The following THADA variants were observed in gnomAD, a reference collection of about 807,000 sequenced individuals.
The protein encoded by THADA is THADA armadillo repeat containing.
A neutral mutation model predicts 219.8 loss-of-function variants in THADA; 213 were observed. The ratio of observed to expected loss-of-function variants is 0.97; its 90% CI spans 0.87 to 1.09. The LOEUF (loss-of-function observed/expected upper bound fraction) is 1.09. Among genes scored for constraint, THADA ranks in the 50% least tolerant of loss-of-function variants. The probability of loss-of-function intolerance (pLI) is 0.00; values close to 1 mark genes in which losing one functional copy is unlikely to be tolerated. For missense variants in THADA, 2,956 were observed against 2,311.3 expected, an observed-to-expected ratio of 1.28 and a Z score of -5.72; for synonymous variants, 1,018 against 828.9, an observed-to-expected ratio of 1.23 and a Z score of -3.92.
intron 26 of THADA, among the ~76,000 whole-genome samples, chr2:43,466,621 A>G (rs1684269381): frequency 6.6e-6 from 1 of 152,150 alleles, no homozygotes; most frequent in Non-Finnish European, 1.5e-5. Flanking sequence ...AGGTCAATAT[A>G]CCCTACTGAG....
intron 36 of THADA, among the ~76,000 whole-genome samples, chr2:43,271,758 G>A (rs1370000968): frequency 2.0e-5 from 3 of 151,980 alleles, no homozygotes; most frequent in Non-Finnish European, 2.9e-5. Context: ...GGGATTACAG[G>A]CATGCACCAC....
Position 43,292,944 on chromosome 2 carries a change from C to A in THADA, c.4708G>T (p.Ala1570Ser), listed in dbSNP as rs770277814. 28 of 1,613,924 alleles carry A rather than the reference C, an allele frequency of 1.7e-5. No individual in the cohort carries two copies. The highest frequency in any genetic ancestry group is 2.4e-5 in the Non-Finnish European group (28 of 1,179,896). ...TTCTCTCCAAGTCCAGAGGCTGCTG[C>A]TAAGAACTTTTCCAAGAGGGCTTCC... Reference protein sequence around the residue: ...TLEALLEKFLAAASGLGEKGV... With the variant: ...TLEALLEKFLSAASGLGEKGV... The change falls in exon 32 of 38, where the codon GCA becomes TCA. Residue 1570 changes from alanine to serine, a missense_variant. Physicochemically the swap from Ala to Ser is moderately conservative, Grantham distance 99. Coordinates refer to ENST00000405975, the MANE Select transcript of THADA (RefSeq NM_022065.5).
chr2:43,323,649 T>C (rs1024460728), intron 30 of THADA, among the ~76,000 whole-genome samples: 6 of 152,208 alleles, frequency 3.9e-5, no homozygotes, highest in Non-Finnish European at 8.8e-5. Flanking sequence ...AGACGGCTAC[T>C]GACCTGAGAA....
chr2:43,430,585 G>A, intron 26 of THADA: 4 of 481,388 alleles, frequency 8.3e-6, no homozygotes, highest in Non-Finnish European at 1.6e-5. Flanking sequence ...TATGTAATCT[G>A]TGCCAATGCC....
intron 36 of THADA, among the ~76,000 whole-genome samples, chr2:43,240,059 A>G (rs932397175): frequency 9.8e-5 from 15 of 152,330 alleles, no homozygotes; most frequent in Middle Eastern, 6.8e-3. Context: ...ACACAGACAA[A>G]TTATATCATG....
intron 28 of THADA, among the ~76,000 whole-genome samples, chr2:43,405,291 G>A (rs373303135): frequency 3.3e-5 from 5 of 152,204 alleles, no homozygotes; most frequent in African/African-American, 1.2e-4. Flanking sequence ...ACATATATGT[G>A]TGGGTACGTG....
At chr2:43,339,050 T>TA (rs998159967) in intron 30 of THADA, among the ~76,000 whole-genome samples, 14 of 151,812 alleles carry the variant, frequency 9.2e-5, no homozygotes, top group South Asian at 2.1e-4. Flanking sequence ...TTGACAAAGT[T>TA]AAAAAAAAGC....
chr2:43,293,959 G>C (rs1325769769), intron 31 of THADA, among the ~76,000 whole-genome samples: 1 of 152,130 alleles, frequency 6.6e-6, no homozygotes, highest in African/African-American at 2.4e-5. Flanking sequence ...TTCTGAACTG[G>C]AGTTGCATCA....
chr2:43,472,856 A>G lies in THADA; in HGVS notation c.3836+12378T>C, dbSNP rs538304988. Among the ~76,000 whole-genome samples, 3 of 152,324 alleles carry G rather than the reference A, an allele frequency of 2.0e-5. No homozygotes were observed. In the East Asian group the frequency reaches 5.8e-4, roughly 29 times the overall value. On this transcript the variant is annotated intron_variant, in intron 26 of 37. Transcript: ENST00000405975. ...ATACTGTAGGCAATACTAACACAGTAAGTATATGTGTATCTAAACATACTA... is the reference window on the plus strand; with the variant it reads ...ATACTGTAGGCAATACTAACACAGTGAGTATATGTGTATCTAAACATACTA...
intron 8 of THADA, among the ~76,000 whole-genome samples, chr2:43,580,720 C>CA (rs898181879): frequency 3.3e-4 from 48 of 147,372 alleles, no homozygotes; most frequent in South Asian, 1.1e-3. Context: ...ATTAAAAATA[C>CA]AAAAAAAAAA....
At chr2:43,435,654 C>T (rs1028699115) in intron 26 of THADA, among the ~76,000 whole-genome samples, 1 of 151,286 alleles carries the variant, frequency 6.6e-6, no homozygotes, top group Non-Finnish European at 1.5e-5. Context: ...GAGGTAGCAT[C>T]TGCCTGTAAT....
At chr2:43,281,655 C>G (rs900073300) in intron 35 of THADA, among the ~76,000 whole-genome samples, 4 of 151,908 alleles carry the variant, frequency 2.6e-5, no homozygotes, top group Admixed American at 6.6e-5. Context: ...TGGTCAGGCT[C>G]AAACTCCTGA....
chr2:43,499,898 T>C (rs1161450097), intron 24 of THADA, among the ~76,000 whole-genome samples: 1 of 151,798 alleles, frequency 6.6e-6, no homozygotes, highest in Non-Finnish European at 1.5e-5. Context: ...AAGTCAACAA[T>C]AAACTTGAAA....
chr2:43,240,407 T>A (rs754665704), intron 36 of THADA, among the ~76,000 whole-genome samples: 1 of 152,174 alleles, frequency 6.6e-6, no homozygotes, highest in Non-Finnish European at 1.5e-5. Flanking sequence ...CACTTCCCCT[T>A]AGCAGGGGAA....
Position 43,488,535 on chromosome 2 carries a change from A to T in THADA, c.3745-3210T>A, listed in dbSNP as rs1687195999. Among the ~76,000 whole-genome samples the T allele has an allele frequency of 2.0e-5, 3 of 152,208 alleles. No individual in the cohort carries two copies. In the South Asian group the frequency reaches 6.2e-4, roughly 31 times the overall value. On this transcript the variant is annotated intron_variant, in intron 25 of 37. Coordinates refer to ENST00000405975, the MANE Select transcript of THADA (RefSeq NM_022065.5). The stretch of plus-strand genomic sequence containing the variant: ...TGTTATTCCTTTTTTATGGCTTAAT[A>T]ATATCCCATTGTACAGATATACCGT...
Position 43,549,219 on chromosome 2 carries a change from C to G in THADA, c.3097G>C (p.Glu1033Gln). ...ATTTTATACAAGTTACCTTTGATTT[C>G]TGTAGAAGTATCAATATTCACCACA... The part of the protein sequence containing the change: ...ASVVNIDTST[E>Q]IKGKEVKTCD... The change falls in exon 20 of 38, where the codon GAA (glutamate) becomes CAA (glutamine). Residue 1033 changes from glutamate to glutamine, a missense_variant. Transcript: ENST00000405975. 3.8e-6 allele frequency: 6 copies of G among 1,572,250 alleles called. No homozygotes were observed. The highest frequency in any genetic ancestry group is 5.2e-6 in the Non-Finnish European group (6 of 1,159,796).
rs535126397 is a variant in THADA at position 43,549,254 on chromosome 2, A to G, written c.3062T>C (p.Leu1021Ser). ...KEHDSFDMKD[L>S]NASVVNIDTS... ...ATCAATATTCACCACACTAGCATTC[A>G]AGTCCTTCATATCAAAGCTATCATG... The change falls in exon 20 of 38, where the codon TTG (leucine) becomes TCG (serine). Residue 1021 changes from leucine (L) to serine (S), a missense_variant. Physicochemically the swap from Leu to Ser is moderately radical, Grantham distance 145. Transcript: ENST00000405975. 3.7e-5 allele frequency: 59 copies of G among 1,592,440 alleles called. 2 individuals are homozygous for G. The South Asian group carries it at 6.6e-4, about 18-fold the overall frequency.
In THADA at chr2:43,590,826, TGC is replaced by T; in HGVS notation, c.298_299del (p.Ala100LysfsTer5). The T allele has an allele frequency of 6.2e-7, 1 of 1,612,506 alleles. No individual in the cohort carries two copies. Among genetic ancestry groups the T allele is most frequent in the Admixed American group, 1.7e-5 (1 of 59,782 alleles). ...SLKNPLKKVL[A>X]SSLNSLPDFF... ...ACTTCCCTTCCTTTTTTTCTTACCT[TGC>T]CAATACTTTCTTCAAGGGATTCTTT... On this transcript the variant is annotated frameshift_variant, in exon 4 of 38. Transcript: ENST00000405975. LOFTEE classifies it high-confidence loss of function.
At chr2:43,415,612 C>T (rs1031356798) in intron 28 of THADA, among the ~76,000 whole-genome samples, 6 of 152,160 alleles carry the variant, frequency 3.9e-5, no homozygotes, top group African/African-American at 1.4e-4. Flanking sequence ...CAAGGTTGGG[C>T]CAGGGTGGGT....
Sources: gnomAD v4.1 joint callset for allele counts (sites outside exome capture counted in the v4.1 genomes callset) on GRCh38, gnomAD v4.1.1 for gene constraint, MANE v1.5 for transcripts, NCBI Gene and HGNC (gene_info 2026-07-23, HGNC 2026-07-21) for gene names.